The following CCDC120 variants were observed in gnomAD, a reference collection of about 807,000 sequenced individuals.
The protein encoded by CCDC120 is coiled-coil domain containing 120, also known as coiled-coil domain-containing protein 120.
Under a neutral mutation model 37.6 loss-of-function variants are expected in CCDC120, and 16 were observed. That is an observed-to-expected ratio of 0.43 (90% confidence interval 0.29 to 0.65). The LOEUF (loss-of-function observed/expected upper bound fraction) is 0.65. Ranked by LOEUF, CCDC120 falls within the 30% of genes least tolerant of loss-of-function variation. The pLI is 0.18. For synonymous variants in CCDC120, 309 were observed against 275.4 expected (o/e 1.12, Z -1.21); for missense variants, 650 against 657.4 (o/e 0.99, Z 0.12).
chrX:49,056,210 A>G (rs2064829022), upstream of CCDC120, among the ~76,000 whole-genome samples: 1 of 111,624 alleles, frequency 9.0e-6, no homozygotes, highest in Non-Finnish European at 1.9e-5. Flanking sequence ...ATGTTGAGAA[A>G]GGAGAGGTTG....
chrX:49,064,028 A>G, intron 5 of CCDC120, 27 bp downstream of exon 5: 1 of 1,171,011 alleles, frequency 8.5e-7, no homozygotes, highest in Non-Finnish European at 1.1e-6. Flanking sequence ...GGAGAGCAAG[A>G]GGGTGGGAAG....
Position 49,067,863 on chromosome X carries a change from C to T in CCDC120, c.1749C>T (p.Arg583=). The T allele has an allele frequency of 8.5e-7, 1 of 1,171,977 alleles. No homozygotes were observed. The highest frequency in any genetic ancestry group is 1.1e-6 in the Non-Finnish European group (1 of 874,803). Residue 583 remains arginine, a synonymous_variant, in exon 10 of 11, where the codon CGC becomes CGT. Transcript: ENST00000603986. ...CCCGTATCCCCTCGGCTGGTGAACG[C>T]AGTGGCCACAAGAACCTGGCTCTGG... is the stretch of plus-strand genomic sequence containing the variant. ...PPTRIPSAGE[R]SGHKNLALEG...
intron 10 of CCDC120, 61 bp downstream of exon 10, chrX:49,068,151 A>T (rs2064983511): frequency 1.8e-5 from 20 of 1,132,141 alleles, no homozygotes; most frequent in Non-Finnish European, 2.1e-5. Context: ...GAAGATATCC[A>T]GGCCAGGGAG....
Position 49,067,757 on chromosome X carries a change from C to T in CCDC120, c.1643C>T (p.Thr548Ile). 1 of 1,198,071 alleles carries T rather than the reference C, an allele frequency of 8.3e-7. No homozygotes were observed. The highest frequency in any genetic ancestry group is 1.8e-5 in the South Asian group (1 of 55,668). ...GACCCCCACACCCGTGCCACCCGCA[C>T]TAAGCCCTGTGGCCTGCCCCCAGAG... ...TKDPHTRATR[T>I]KPCGLPPEAA... The change falls in exon 10 of 11, where the codon ACT (threonine) becomes ATT (isoleucine). Residue 548 changes from threonine to isoleucine, a missense_variant. This residue lies in a region of CCDC120 where 576 missense variants were observed against 565.3 expected (regional missense o/e 1.02). Transcript: ENST00000603986.
rs782455534 is a variant in CCDC120, at chrX:49,064,537, C to A, written c.597C>A (p.Leu199=). Residue 199 remains leucine (L), a synonymous_variant, in exon 6 of 11, where the codon CTC becomes CTA. Coordinates refer to ENST00000603986, the MANE Select transcript of CCDC120 (RefSeq NM_001163321.4). ...LRRLHELEEQ[L]RDVRARLGLP... ...GGCTGCATGAGCTAGAGGAGCAGCT[C>A]AGGGATGTCCGGGCCCGCCTTGGCC... 3.0e-5 allele frequency: 35 copies of A among 1,178,940 alleles called. 1 individual carries two copies. Among genetic ancestry groups the A allele is most frequent in the Non-Finnish European group, 5.7e-6 (5 of 879,394 alleles).
At chrX:49,058,396 G>A (rs1175623599), upstream of CCDC120, among the ~76,000 whole-genome samples, 5 of 112,787 alleles carry the variant, frequency 4.4e-5, no homozygotes, top group Non-Finnish European at 9.4e-5. Flanking sequence ...ATTGCCCCAA[G>A]GCCTTCTACC....
chrX:49,057,487 G>A (rs2064839141), upstream of CCDC120, among the ~76,000 whole-genome samples: 1 of 112,267 alleles, frequency 8.9e-6, no homozygotes, highest in African/African-American at 3.2e-5. Flanking sequence ...ATAAGAGGTG[G>A]GAGAGGCTGT....
Position 49,068,833 on chromosome X carries a change from T to C in CCDC120, c.*175T>C, listed in dbSNP as rs377000107. On this transcript the variant is annotated 3_prime_UTR_variant, in exon 11 of 11. Coordinates refer to ENST00000603986, the MANE Select transcript of CCDC120 (RefSeq NM_001163321.4). ...CCAGGAAGGTGTCTGACACCCTGCT[T>C]CTTCTCTCACACTGTGCTGGGGACT... 2.6e-6 allele frequency: 1 copy of C among 383,280 alleles called. No individual in the cohort carries two copies. The highest frequency in any genetic ancestry group is 4.1e-6 in the Non-Finnish European group (1 of 246,449). 31.6% of individuals were successfully genotyped at this position (383,280 alleles called of 1,213,427 possible).
rs1557080530 is a variant in CCDC120 at position 49,064,573 on chromosome X, C to T, written c.633C>T (p.Leu211=). 1 of 1,179,746 alleles carries T rather than the reference C, an allele frequency of 8.5e-7. No individual in the cohort carries two copies. Among genetic ancestry groups the T allele is most frequent in the Admixed American group, 2.4e-5 (1 of 40,964 alleles). ...DVRARLGLPV[L]PLPQPLPLST... ...GGGCCCGCCTTGGCCTCCCAGTGCT[C>T]CCGCTGCCCCAGCCACTGCCACTGT... is the stretch of plus-strand genomic sequence containing the variant. Residue 211 remains leucine (L), a synonymous_variant, in exon 6 of 11, where the codon CTC becomes CTT. Coordinates refer to ENST00000603986, the MANE Select transcript of CCDC120 (RefSeq NM_001163321.4).
rs782482361 is a variant in CCDC120 at position 49,068,584 on chromosome X, C to T, written c.2017C>T (p.Arg673Cys). The T allele has an allele frequency of 2.1e-5, 24 of 1,153,956 alleles. No individual in the cohort carries two copies. In the African/African-American group the frequency reaches 2.7e-4, roughly 13 times the overall value. The change falls in exon 11 of 11, where the codon CGT becomes TGT. Residue 673 changes from arginine to cysteine, a missense_variant. Around this residue, in one of 3 missense-constraint regions of CCDC120, gnomAD observed 576 missense variants for 565.3 expected, o/e 1.02. Transcript: ENST00000603986. ...DFLYPPELSA[R>C]LSDLTLEGEQ... ...CCTGTATCCCCCGGAGCTGAGCGCT[C>T]GTTTAAGTGACCTGACGCTAGAGGG...
chrX:49,062,255 A>T lies in CCDC120; in HGVS notation c.84A>T (p.Pro28=). 1 of 1,210,466 alleles carries T rather than the reference A, an allele frequency of 8.3e-7. No homozygotes were observed. Among genetic ancestry groups the T allele is most frequent in the Non-Finnish European group, 1.1e-6 (1 of 894,912 alleles). The change falls in exon 3 of 11, where the codon CCA becomes CCT. Residue 28 remains proline (P), a synonymous_variant. Transcript: ENST00000603986. The stretch of plus-strand genomic sequence containing the variant: ...GCCAGACTTTGTCCAGCCATCAGCC[A>T]CGGCCTCTCGACAGCACCAAGATGG... The part of the protein sequence containing the change: ...DSERTLSSHQ[P]RPLDSTKMEV...
At chrX:49,057,700 C>T (rs1469401797), upstream of CCDC120, among the ~76,000 whole-genome samples, 1 of 112,652 alleles carries the variant, frequency 8.9e-6, no homozygotes, top group African/African-American at 3.2e-5. Context: ...AGGCTCAGCC[C>T]ATCTGCAGCT....
chrX:49,058,020 T>G (rs1384208752), upstream of CCDC120, among the ~76,000 whole-genome samples: 1 of 111,623 alleles, frequency 9.0e-6, no homozygotes, highest in African/African-American at 3.3e-5. Flanking sequence ...CTTCCCTACT[T>G]CTCCTTCCCA....
At chrX:49,057,319 G>A (rs929554176), upstream of CCDC120, among the ~76,000 whole-genome samples, 1 of 112,370 alleles carries the variant, frequency 8.9e-6, no homozygotes, top group African/African-American at 3.2e-5. Context: ...GCCTTTCAAA[G>A]TTATTTGGGG....
Position 49,065,478 on chromosome X carries a change from T to C in CCDC120, c.812T>C (p.Leu271Pro). Residue 271 changes from leucine to proline, a missense_variant, in exon 8 of 11, where the codon CTG becomes CCG. By Grantham distance (98) the Leu-to-Pro change is moderately conservative. Coordinates refer to ENST00000603986, the MANE Select transcript of CCDC120 (RefSeq NM_001163321.4). Reference sequence around the variant, plus strand: ...GAGGAGCCCCATGGCTGCTTCTCTCTGGCCGAGCGCCCCTCACCACCCAAG... The same window carrying C: ...GAGGAGCCCCATGGCTGCTTCTCTCCGGCCGAGCGCCCCTCACCACCCAAG... ...DNEEPHGCFS[L>P]AERPSPPKAW... 8.3e-7 allele frequency: 1 copy of C among 1,199,557 alleles called. No individual in the cohort carries two copies. The highest frequency in any genetic ancestry group is 1.8e-5 in the South Asian group (1 of 54,633).
rs1557080355 is a variant in CCDC120 at position 49,064,386 on chromosome X, C to A, written c.446C>A (p.Ala149Asp). The A allele has an allele frequency of 8.6e-7, 1 of 1,169,387 alleles. No individual in the cohort carries two copies. Among genetic ancestry groups the A allele is most frequent in the Admixed American group, 2.5e-5 (1 of 39,603 alleles). ...GCCCAACAGGAGCTGGCTCTTGAGG[C>A]CCTGGAACGCGAGGTGTCAGTGCAA... ...LCPAEELALE[A>D]LEREVSVQQQ... is the part of the protein sequence containing the mutation. Residue 149 changes from alanine (A) to aspartate (D), a missense_variant, in exon 6 of 11, where the codon GCC becomes GAC. By Grantham distance (126) the Ala-to-Asp change is moderately radical. Coordinates refer to ENST00000603986, the MANE Select transcript of CCDC120 (RefSeq NM_001163321.4).
intron 10 of CCDC120, 132 bp from the exon 11 acceptor site, chrX:49,068,412 A>G: frequency 9.5e-7 from 1 of 1,050,918 alleles, no homozygotes. Context: ...CCAGAGCCTG[A>G]AAGTGCTGTC....
chrX:49,067,821 G>C lies in CCDC120; in HGVS notation c.1707G>C (p.Leu569=). Residue 569 remains leucine (L), a synonymous_variant, in exon 10 of 11, where the codon CTG becomes CTC. Coordinates refer to ENST00000603986, the MANE Select transcript of CCDC120 (RefSeq NM_001163321.4). ...EGPEVHPNPL[L]WMPPPTRIPS... ...CTGAGGTGCATCCAAACCCTCTGCT[G>C]TGGATGCCCCCACCCACCCGTATCC... 8.4e-7 allele frequency: 1 copy of C among 1,186,011 alleles called. No individual in the cohort carries two copies. The highest frequency in any genetic ancestry group is 1.9e-5 in the South Asian group (1 of 53,929).
chrX:49,068,863 G>T lies in CCDC120; in HGVS notation c.*205G>T, dbSNP rs782128108. The T allele has an allele frequency of 1.1e-4, 34 of 312,102 alleles. No homozygotes were observed. In the East Asian group the frequency reaches 1.6e-3, roughly 15 times the overall value. 25.7% of individuals were successfully genotyped at this position (312,102 alleles called of 1,213,427 possible). ...TCTCACACTGTGCTGGGGACTGGGG[G>T]CCCTCAGCTAGCTTAAAAGAGGGGG... is the stretch of plus-strand genomic sequence containing the variant. On this transcript the variant is annotated 3_prime_UTR_variant, in exon 11 of 11. Coordinates refer to ENST00000603986, the MANE Select transcript of CCDC120 (RefSeq NM_001163321.4).
Sources: allele counts gnomAD v4.1 joint callset (sites outside exome capture counted in the v4.1 genomes callset), GRCh38; gene constraint gnomAD v4.1.1; regional missense constraint gnomAD v4.1.1; transcripts MANE v1.5; gene names NCBI Gene and HGNC (gene_info 2026-07-23, HGNC 2026-07-21).